GRIN3B: variants seen among roughly 807,000 people sequenced by gnomAD.
GRIN3B encodes glutamate ionotropic receptor NMDA type subunit 3B, also known as glutamate receptor ionotropic, NMDA 3B.
GRIN3B carries 77 observed loss-of-function variants against 66.0 expected under a neutral mutation model. The ratio of observed to expected loss-of-function variants is 1.17; its 90% CI spans 0.97 to 1.41. GRIN3B has a LOEUF of 1.41. Among genes scored for constraint, GRIN3B ranks in the 40% most tolerant of loss-of-function variants. The probability of loss-of-function intolerance (pLI) is 0.00; values close to 1 mark genes in which losing one functional copy is unlikely to be tolerated. For missense variants in GRIN3B, 1,787 were observed against 1,564.5 expected (o/e 1.14, Z -2.40); for synonymous variants, 823 against 749.7 (o/e 1.10, Z -1.60).
rs762521662 is a variant in GRIN3B, at chr19:1,009,547, G to C, written c.3077G>C (p.Arg1026Thr). The C allele has an allele frequency of 6.1e-6, 9 of 1,475,584 alleles. No homozygotes were observed. The South Asian group carries it at 9.1e-5, about 15-fold the overall frequency. The allele number at this position is 1,475,584 out of a possible 1,614,324, so 91.4% of individuals were successfully genotyped here. A position where few individuals can be genotyped will look rare whatever the true frequency, so the allele number is the denominator to read the frequency against. Residue 1026 changes from arginine to threonine, a missense_variant, in exon 9 of 9, where the codon AGA (arginine) becomes ACA (threonine). Transcript: ENST00000234389. ...RHRPRRLLQA[R>T]AAPAEAPPHS... ...CGGCCTCGGCGCTTGCTTCAGGCCA[G>C]AGCGGCCCCCGCGGAGGCCCCACCA...
rs1249859702 is a variant in GRIN3B at position 1,008,945 on chromosome 19, C to G, written c.2702+18C>G. ...GAGCCCAGGTAAGTGGTGGTCGGGG[C>G]GGACCACGATGCAGGACCACCCAGA... On this transcript the variant is annotated intron_variant, in intron 8 of 8. Transcript: ENST00000234389. The G allele has an allele frequency of 1.3e-6, 2 of 1,591,898 alleles. No homozygotes were observed. Among genetic ancestry groups the G allele is most frequent in the Non-Finnish European group, 1.7e-6 (2 of 1,170,422 alleles).
chr19:1,007,614 G>A lies in GRIN3B; in HGVS notation c.2053-14G>A, dbSNP rs1216419382. The stretch of plus-strand genomic sequence containing the variant: ...GAGGGGCAGGCAGAGGCGCTGACGG[G>A]GTCCCCCGCGCAGCTGCACCACCCG... On this transcript the variant is annotated splice_polypyrimidine_tract_variant and intron_variant, in intron 3 of 8. Transcript: ENST00000234389. The surrounding 1 kb of genome is among the most constrained non-coding windows in gnomAD (Gnocchi z 4.4). 6.1e-6 allele frequency: 9 copies of A among 1,482,304 alleles called. No individual in the cohort carries two copies. Among genetic ancestry groups the A allele is most frequent in the East Asian group, 2.7e-5 (1 of 36,660 alleles). 91.8% of individuals were successfully genotyped at this position (1,482,304 alleles called of 1,614,324 possible).
rs781479495 is a variant in GRIN3B, at chr19:1,005,084, C to T, written c.1583C>T (p.Ala528Val). The T allele has an allele frequency of 6.4e-5, 103 of 1,611,738 alleles. No individual in the cohort carries two copies. Among genetic ancestry groups the T allele is most frequent in the Non-Finnish European group, 8.4e-5 (99 of 1,179,246 alleles). Residue 528 changes from alanine (A) to valine (V), a missense_variant, in exon 3 of 9, where the codon GCG becomes GTG. Transcript: ENST00000234389. This position sits in a 1 kb window ranked among gnomAD's most constrained non-coding sequence, Gnocchi z 5.2. The stretch of plus-strand genomic sequence containing the variant: ...CTGCTGGCCGGCCGGGCCCACATGG[C>T]GGTCACCAGCTTCAGTATCAACTCC... ...GDLLAGRAHM[A>V]VTSFSINSAR... is the part of the protein sequence containing the mutation.
Position 1,009,447 on chromosome 19 carries a change from G to C in GRIN3B, c.2977G>C (p.Ala993Pro). The C allele has an allele frequency of 6.8e-7, 1 of 1,468,336 alleles. No homozygotes were observed. Among genetic ancestry groups the C allele is most frequent in the Non-Finnish European group, 9.0e-7 (1 of 1,116,382 alleles). The allele number at this position is 1,468,336 out of a possible 1,614,324, so 91.0% of individuals were successfully genotyped here. The change falls in exon 9 of 9, where the codon GCG (alanine) becomes CCG (proline). Residue 993 changes from alanine to proline, a missense_variant. By Grantham distance (27) the Ala-to-Pro change is conservative. Coordinates refer to ENST00000234389, the MANE Select transcript of GRIN3B (RefSeq NM_138690.3). Reference sequence around the variant, plus strand: ...GGAGCTGGAGCGCCGCATCGAAGTCGCGCGTGAGCGGCTCCGCCAGGCCCT... The same window carrying C: ...GGAGCTGGAGCGCCGCATCGAAGTCCCGCGTGAGCGGCTCCGCCAGGCCCT... ...LQELERRIEV[A>P]RERLRQALVR... is the part of the protein sequence containing the mutation.
rs776586875 is a variant in GRIN3B at position 1,008,624 on chromosome 19, C to A, written c.2473C>A (p.Gln825Lys). The change falls in exon 7 of 9, where the codon CAG (glutamine) becomes AAG (lysine). Residue 825 changes from glutamine to lysine, a missense_variant. By Grantham distance (53) the Gln-to-Lys change is moderately conservative. Coordinates refer to ENST00000234389, the MANE Select transcript of GRIN3B (RefSeq NM_138690.3). ...KRVFAVTETL[Q>K]MSIYHFAGLF... Reference sequence around the variant, plus strand: ...CCTGCTGTGTTGCCCCCAGACCCTGCAGATGAGCATCTACCACTTCGCGGG... The same window carrying A: ...CCTGCTGTGTTGCCCCCAGACCCTGAAGATGAGCATCTACCACTTCGCGGG... 3.6e-5 allele frequency: 57 copies of A among 1,598,180 alleles called. No individual in the cohort carries two copies. Among genetic ancestry groups the A allele is most frequent in the Non-Finnish European group, 4.7e-5 (55 of 1,178,240 alleles).
chr19:1,008,387 G>T, intron 6 of GRIN3B, 96 bp downstream of exon 6: 1 of 1,225,044 alleles, frequency 8.2e-7, no homozygotes. Context: ...TCATTCCCCA[G>T]ACGTGCGTTT....
In GRIN3B at chr19:1,008,850, G is replaced by C; in HGVS notation, c.2632-7G>C. 6.2e-7 allele frequency: 1 copy of C among 1,606,348 alleles called. No homozygotes were observed. Among genetic ancestry groups the C allele is most frequent in the Non-Finnish European group, 8.5e-7 (1 of 1,176,712 alleles). On this transcript the variant is annotated splice_region_variant and splice_polypyrimidine_tract_variant and intron_variant, in intron 7 of 8. Coordinates refer to ENST00000234389, the MANE Select transcript of GRIN3B (RefSeq NM_138690.3). Reference sequence around the variant, plus strand: ...TCCTCGCCAACCGGGTCTGTCTGGGGTCTTAGAAAATCCACCGCGCCCTCA... The same window carrying C: ...TCCTCGCCAACCGGGTCTGTCTGGGCTCTTAGAAAATCCACCGCGCCCTCA...
chr19:1,009,675 C>T lies in GRIN3B; in HGVS notation c.*73C>T, dbSNP rs1322644303. On this transcript the variant is annotated 3_prime_UTR_variant, in exon 9 of 9. Coordinates refer to ENST00000234389, the MANE Select transcript of GRIN3B (RefSeq NM_138690.3). ...AGCCGCTGTCAACAGACAGTTTATT[C>T]TATATACAAACACAATTTTGTACAC... 1.2e-5 allele frequency: 15 copies of T among 1,208,126 alleles called. No individual in the cohort carries two copies. The highest frequency in any genetic ancestry group is 1.6e-5 in the Non-Finnish European group (15 of 928,858). The allele number at this position is 1,208,126 out of a possible 1,614,324, so 74.8% of individuals were successfully genotyped here. A position where few individuals can be genotyped will look rare whatever the true frequency, so the allele number is the denominator to read the frequency against.
intron 2 of GRIN3B, 90 bp from the exon 3 acceptor site, chr19:1,004,431 C>G (rs1243641146): frequency 2.6e-6 from 3 of 1,136,326 alleles, no homozygotes; most frequent in Non-Finnish European, 3.8e-6. Context: ...ACAAGAGCGA[C>G]CAGTGGGAAT....
At chr19:1,008,426 T>A in intron 6 of GRIN3B, 135 bp downstream of exon 6, 1 of 1,048,958 alleles carries the variant, frequency 9.5e-7, no homozygotes, top group Non-Finnish European at 1.4e-6. Context: ...CTATTCACCC[T>A]ACAAAACCCC....
Position 1,000,787 on chromosome 19 carries a change from A to G in GRIN3B, c.350A>G (p.His117Arg). The stretch of plus-strand genomic sequence containing the variant: ...GCTCGGCCCGAGCTGCTGCAGCTGC[A>G]CTTCCTGGCGGCGGCCACCGAGACC... ...PEARPELLQL[H>R]FLAAATETPV... The change falls in exon 1 of 9, where the codon CAC becomes CGC. Residue 117 changes from histidine to arginine, a missense_variant. By Grantham distance (29) the His-to-Arg change is conservative (BLOSUM62 0). Transcript: ENST00000234389. 10 of 1,412,674 alleles carry G rather than the reference A, an allele frequency of 7.1e-6. No individual in the cohort carries two copies. The highest frequency in any genetic ancestry group is 9.1e-6 in the Non-Finnish European group (10 of 1,093,096). The allele number at this position is 1,412,674 out of a possible 1,614,324, so 87.5% of individuals were successfully genotyped here. A position where few individuals can be genotyped will look rare whatever the true frequency, so the allele number is the denominator to read the frequency against.
rs759438437 is a variant in GRIN3B, at chr19:1,005,524, G to A, written c.2023G>A (p.Glu675Lys). The change falls in exon 3 of 9, where the codon GAG (glutamate) becomes AAG (lysine). Residue 675 changes from glutamate to lysine, a missense_variant. Transcript: ENST00000234389. The surrounding 1 kb of genome is among the most constrained non-coding windows in gnomAD (Gnocchi z 5.2). ...CGTCATGGTCGGGGACAAGACCTTC[G>A]AGGAGCTGTCGGGGATCCACGACCC... ...AAVMVGDKTF[E>K]ELSGIHDPKL... 1.6e-5 allele frequency: 26 copies of A among 1,610,172 alleles called. No homozygotes were observed. In the East Asian group the frequency reaches 2.0e-4, roughly 12 times the overall value.
Position 1,007,973 on chromosome 19 carries a change from TGA to T in GRIN3B, c.2314+6_2314+7del, listed in dbSNP as rs1268412696. 18 of 1,611,166 alleles carry T rather than the reference TGA, an allele frequency of 1.1e-5. No individual in the cohort carries two copies. The highest frequency in any genetic ancestry group is 4.5e-5 in the East Asian group (2 of 44,850). ...TGGGAAAGCCCTTCGCCATTGAGGG[TGA>T]GAGGCACCTGGGCGAGGCGGGGCGC... On this transcript the variant is annotated splice_donor_region_variant and intron_variant, in intron 5 of 8. Coordinates refer to ENST00000234389, the MANE Select transcript of GRIN3B (RefSeq NM_138690.3). This position sits in a 1 kb window ranked among gnomAD's most constrained non-coding sequence, Gnocchi z 4.4.
rs767921850 is a variant in GRIN3B, at chr19:1,005,261, T to G, written c.1760T>G (p.Leu587Arg). 1 of 1,613,122 alleles carries G rather than the reference T, an allele frequency of 6.2e-7. No homozygotes were observed. The highest frequency in any genetic ancestry group is 8.5e-7 in the Non-Finnish European group (1 of 1,179,866). The change falls in exon 3 of 9, where the codon CTC (leucine) becomes CGC (arginine). Residue 587 changes from leucine (L) to arginine (R), a missense_variant. Leu to Arg is a moderately radical substitution (Grantham distance 102). Transcript: ENST00000234389. The surrounding 1 kb of genome is among the most constrained non-coding windows in gnomAD (Gnocchi z 5.2). The part of the protein sequence containing the change: ...TWLGVFAALH[L>R]TALFLTVYEW... ...CTGGGCGTCTTTGCGGCCCTGCACC[T>G]CACCGCGCTCTTCCTCACCGTGTAC...
At chr19:1,006,880 A>G (rs2038754790) in intron 3 of GRIN3B, among the ~76,000 whole-genome samples, 1 of 152,112 alleles carries the variant, frequency 6.6e-6, no homozygotes, top group Non-Finnish European at 1.5e-5. Flanking sequence ...GCACGATGGG[A>G]TTCAAGTTTG....
In GRIN3B at chr19:1,004,944, T is replaced by A; in HGVS notation, c.1443T>A (p.Ile481=). 6.2e-7 allele frequency: 1 copy of A among 1,612,228 alleles called. No homozygotes were observed. Among genetic ancestry groups the A allele is most frequent in the Non-Finnish European group, 8.5e-7 (1 of 1,179,590 alleles). The change falls in exon 3 of 9, where the codon ATT becomes ATA. Residue 481 remains isoleucine, a synonymous_variant. Coordinates refer to ENST00000234389, the MANE Select transcript of GRIN3B (RefSeq NM_138690.3). ...ALRKCCYGYC[I]DLLERLAEDT... is the part of the protein sequence containing the mutation. Reference sequence around the variant, plus strand: ...GCAAGTGCTGCTACGGCTACTGCATTGACCTGCTGGAGCGGCTGGCGGAGG... The same window carrying A: ...GCAAGTGCTGCTACGGCTACTGCATAGACCTGCTGGAGCGGCTGGCGGAGG...
rs1328888882 is a variant in GRIN3B at position 1,008,928 on chromosome 19, G to A, written c.2702+1G>A. ...AGGAGACGGCAGAGGCGGAGCCCAG[G>A]TAAGTGGTGGTCGGGGCGGACCACG... On this transcript the variant is annotated splice_donor_variant, in intron 8 of 8. Coordinates refer to ENST00000234389, the MANE Select transcript of GRIN3B (RefSeq NM_138690.3). LOFTEE classifies it high-confidence loss of function. 7 of 1,605,050 alleles carry A rather than the reference G, an allele frequency of 4.4e-6. No individual in the cohort carries two copies. In the African/African-American group the frequency reaches 9.4e-5, roughly 21 times the overall value.
In GRIN3B at chr19:1,007,522, G is replaced by A; in HGVS notation, c.2053-106G>A. The A allele has an allele frequency of 1.6e-6, 2 of 1,278,484 alleles. No homozygotes were observed. The highest frequency in any genetic ancestry group is 4.0e-5 in the Admixed American group (1 of 24,956). 79.2% of individuals were successfully genotyped at this position (1,278,484 alleles called of 1,614,324 possible). On this transcript the variant is annotated intron_variant, in intron 3 of 8. Transcript: ENST00000234389. The surrounding 1 kb of genome is among the most constrained non-coding windows in gnomAD (Gnocchi z 4.4). ...GGTGGAGGCCAGGAATGCAGCCTCGGCGCCCTGCAGTGCCCAGGACGGCCC... is the reference window on the plus strand; with the variant it reads ...GGTGGAGGCCAGGAATGCAGCCTCGACGCCCTGCAGTGCCCAGGACGGCCC...
At position 1,005,080 on chromosome 19, in the gene GRIN3B, A is replaced by G. The variant is rs2038731588; in HGVS notation, c.1579A>G (p.Met527Val). Residue 527 changes from methionine (M) to valine (V), a missense_variant, in exon 3 of 9, where the codon ATG becomes GTG. Met to Val is a conservative substitution (Grantham distance 21, BLOSUM62 1). Transcript: ENST00000234389. The surrounding 1 kb of genome is among the most constrained non-coding windows in gnomAD (Gnocchi z 5.2). ...VGDLLAGRAH[M>V]AVTSFSINSA... ...GGACCTGCTGGCCGGCCGGGCCCAC[A>G]TGGCGGTCACCAGCTTCAGTATCAA... is the stretch of plus-strand genomic sequence containing the variant. 1.9e-6 allele frequency: 3 copies of G among 1,611,908 alleles called. No homozygotes were observed. Among genetic ancestry groups the G allele is most frequent in the Non-Finnish European group, 2.5e-6 (3 of 1,179,274 alleles).
Sources: allele counts gnomAD v4.1 joint callset (sites outside exome capture counted in the v4.1 genomes callset), GRCh38; gene constraint gnomAD v4.1.1; non-coding constraint Gnocchi (gnomAD v3.1); transcripts MANE v1.5; gene names NCBI Gene and HGNC (gene_info 2026-07-23, HGNC 2026-07-21).